The following THSD4 variants were observed in gnomAD, a reference collection of about 807,000 sequenced individuals.
THSD4 encodes thrombospondin type 1 domain containing 4.
In THSD4, 69 loss-of-function variants were observed where a neutral mutation model predicts 119.0. The ratio of observed to expected loss-of-function variants is 0.58; its 90% CI spans 0.48 to 0.71. The LOEUF is 0.71. THSD4 is among the 30% of genes least tolerant of loss of function. The probability of loss-of-function intolerance (pLI) is 0.00; values close to 1 mark genes in which losing one functional copy is unlikely to be tolerated. For missense variants in THSD4, 1,393 were observed against 1,391.1 expected, an observed-to-expected ratio of 1.00 and a Z score of -0.02; for synonymous variants, 524 against 540.4, an observed-to-expected ratio of 0.97 and a Z score of 0.42.
chr15:71,470,659 C>T (rs1595798794), intron 7 of THSD4, among the ~76,000 whole-genome samples: 2 of 149,840 alleles, frequency 1.3e-5, no homozygotes, highest in Non-Finnish European at 3.0e-5. Flanking sequence ...GACGGAGTCT[C>T]GCTCTGTCGC....
rs545368092 is a variant in THSD4 at position 71,314,631 on chromosome 15, G to T, written c.1015+57916G>T. Among the ~76,000 whole-genome samples the T allele has an allele frequency of 2.0e-5, 3 of 152,270 alleles. No individual in the cohort carries two copies. In the East Asian group the frequency reaches 5.8e-4, roughly 29 times the overall value. On this transcript the variant is annotated intron_variant, in intron 6 of 17. Transcript: ENST00000261862. ...TGGCCATTTTTATTCTTTTAAAAGA[G>T]AAAAGTACTTGTGCTTTCAGCCTCA...
chr15:71,104,259 C>T (rs1011071931), intron 1 of THSD4, among the ~76,000 whole-genome samples: 20 of 136,872 alleles, frequency 1.5e-4, no homozygotes, highest in Non-Finnish European at 2.9e-4. Flanking sequence ...CCAGCAATAA[C>T]TCTTTATTAT....
chr15:71,350,189 G>A (rs1351574107), intron 6 of THSD4, among the ~76,000 whole-genome samples: 1 of 150,472 alleles, frequency 6.6e-6, no homozygotes, highest in African/African-American at 2.4e-5. Context: ...AACAAGGTGG[G>A]ATATATTAAT....
intron 6 of THSD4, among the ~76,000 whole-genome samples, chr15:71,386,673 C>T (rs1025016706): frequency 3.3e-5 from 5 of 152,166 alleles, no homozygotes; most frequent in Non-Finnish European, 1.5e-5. Context: ...GACAGGTGGA[C>T]TCAGCTTCGC....
intron 1 of THSD4, among the ~76,000 whole-genome samples, chr15:71,116,192 G>C (rs937417304): frequency 1.3e-5 from 2 of 152,154 alleles, no homozygotes; most frequent in Admixed American, 6.5e-5. Flanking sequence ...CCTCGGATCT[G>C]TGTGTCTGTC....
intron 7 of THSD4, among the ~76,000 whole-genome samples, chr15:71,537,784 CAG>C (rs1270113376): frequency 1.3e-5 from 2 of 151,616 alleles, no homozygotes; most frequent in East Asian, 1.9e-4. Context: ...ATTTTTGAGA[CAG>C]AGTCTCACTC....
intron 1 of THSD4, among the ~76,000 whole-genome samples, chr15:71,134,044 A>T (rs989853413): frequency 2.0e-5 from 3 of 152,288 alleles, no homozygotes; most frequent in African/African-American, 4.8e-5. Flanking sequence ...CCTAATCCAG[A>T]TTCTGTGGGT....
intron 5 of THSD4, among the ~76,000 whole-genome samples, chr15:71,246,204 T>C (rs2044199004): frequency 6.6e-6 from 1 of 151,978 alleles, no homozygotes; most frequent in Non-Finnish European, 1.5e-5. Context: ...TCAGACAAGA[T>C]GGAGTATAGA....
intron 7 of THSD4, among the ~76,000 whole-genome samples, chr15:71,426,833 TTA>T (rs1281332057): frequency 3.3e-5 from 5 of 152,206 alleles, no homozygotes; most frequent in Non-Finnish European, 5.9e-5. Context: ...AGATTGAGTA[TTA>T]TATGTATCTG....
chr15:71,571,271 A>G (rs899981011), intron 7 of THSD4, among the ~76,000 whole-genome samples: 9 of 152,004 alleles, frequency 5.9e-5, no homozygotes, highest in Non-Finnish European at 8.8e-5. Flanking sequence ...CACATCTTGA[A>G]TTCTTACAAG....
intron 8 of THSD4, among the ~76,000 whole-genome samples, chr15:71,686,767 T>C (rs755139221): frequency 6.6e-6 from 1 of 152,154 alleles, no homozygotes; most frequent in African/African-American, 2.4e-5. Flanking sequence ...ATAGGAAATA[T>C]TTTAGGCTTT....
chr15:71,774,886 C>T (rs1028588776), intron 17 of THSD4, among the ~76,000 whole-genome samples: 5 of 152,190 alleles, frequency 3.3e-5, no homozygotes, highest in Admixed American at 3.3e-4. Context: ...GTGACTCACA[C>T]CTGTAATCCC....
rs537989772 is a variant in THSD4, at chr15:71,745,226, G to A, written c.2027G>A (p.Cys676Tyr). Residue 676 changes from cysteine (C) to tyrosine (Y), a missense_variant, in exon 12 of 18, where the codon TGC becomes TAC. Physicochemically the swap from Cys to Tyr is radical, Grantham distance 194. Coordinates refer to ENST00000261862, the MANE Select transcript of THSD4 (RefSeq NM_024817.3). ...PEEEPCNIFPCPAFWDIGEWS... is the reference protein window; with the variant it reads ...PEEEPCNIFPYPAFWDIGEWS... The stretch of plus-strand genomic sequence containing the variant: ...GAGGAGCCCTGCAACATCTTCCCTT[G>A]CCCAGCCTTGTAAGAAGGCCCCTCC... 1.2e-6 allele frequency: 2 copies of A among 1,613,846 alleles called. No homozygotes were observed. Among genetic ancestry groups the A allele is most frequent in the African/African-American group, 2.7e-5 (2 of 75,028 alleles).
At chr15:71,523,613 A>G (rs1373972716) in intron 7 of THSD4, among the ~76,000 whole-genome samples, 2 of 152,166 alleles carry the variant, frequency 1.3e-5, no homozygotes, top group Non-Finnish European at 1.5e-5. Context: ...TAGCAAGGGT[A>G]GGGTGCAGAC....
chr15:71,272,196 T>C (rs2044538277), intron 6 of THSD4, among the ~76,000 whole-genome samples: 1 of 151,460 alleles, frequency 6.6e-6, no homozygotes, highest in African/African-American at 2.4e-5. Flanking sequence ...AGGTCAGGAA[T>C]TCGAGACCAG....
intron 6 of THSD4, among the ~76,000 whole-genome samples, chr15:71,265,003 G>T (rs2044447756): frequency 6.6e-6 from 1 of 152,072 alleles, no homozygotes; most frequent in Non-Finnish European, 1.5e-5. Context: ...GAGGTCTTAA[G>T]GGCAGGGCCC....
At chr15:71,543,082 G>C (rs2048784771) in intron 7 of THSD4, among the ~76,000 whole-genome samples, 1 of 152,088 alleles carries the variant, frequency 6.6e-6, no homozygotes. Context: ...GTACATTTTG[G>C]AGAAAAACTG....
At chr15:71,717,816 G>C (rs1380434136) in intron 8 of THSD4, among the ~76,000 whole-genome samples, 1 of 152,078 alleles carries the variant, frequency 6.6e-6, no homozygotes, top group Non-Finnish European at 1.5e-5. Context: ...AGTGTCTGTT[G>C]GTCAGGTACT....
chr15:71,581,727 C>T (rs1363461082), intron 7 of THSD4, among the ~76,000 whole-genome samples: 2 of 152,188 alleles, frequency 1.3e-5, no homozygotes, highest in Non-Finnish European at 2.9e-5. Context: ...TTCCACTCTT[C>T]TGCATGTGGA....
Sources: gnomAD v4.1 joint callset for allele counts (sites outside exome capture counted in the v4.1 genomes callset) on GRCh38, gnomAD v4.1.1 for gene constraint, MANE v1.5 for transcripts, NCBI Gene and HGNC (gene_info 2026-07-23, HGNC 2026-07-21) for gene names.